Variants in TCF7L1 observed in about 807,000 individuals in gnomAD.
The protein encoded by TCF7L1 is transcription factor 7-like 1.
In TCF7L1, 18 loss-of-function variants were observed where a neutral mutation model predicts 63.7. The observed-to-expected ratio is 0.28, with a 90% CI of 0.20 to 0.42. The LOEUF (loss-of-function observed/expected upper bound fraction) is 0.42. TCF7L1 is among the 10% of genes least tolerant of loss of function. The pLI is 1.00. For synonymous variants in TCF7L1, 355 were observed against 340.9 expected (o/e 1.04, Z -0.46); for missense variants, 654 against 779.3 (o/e 0.84, Z 1.91).
intron 3 of TCF7L1, among the ~76,000 whole-genome samples, chr2:85,209,232 T>A (rs189224209): frequency 3.9e-5 from 6 of 152,324 alleles, no homozygotes; most frequent in Admixed American, 1.3e-4. Flanking sequence ...AAGTGATTGC[T>A]GTCTCCAATG....
At chr2:85,205,675 G>A (rs1679391497) in intron 3 of TCF7L1, among the ~76,000 whole-genome samples, 5 of 151,944 alleles carry the variant, frequency 3.3e-5, no homozygotes, top group Admixed American at 3.3e-4. Flanking sequence ...TGGATTACAA[G>A]CCTGCTAATT....
chr2:85,216,418 C>G (rs1161421801), intron 3 of TCF7L1, among the ~76,000 whole-genome samples: 1 of 152,186 alleles, frequency 6.6e-6, no homozygotes, highest in African/African-American at 2.4e-5. Context: ...ACCTCGCGCC[C>G]TGCTGTGCTT....
At chr2:85,303,678 G>T in intron 5 of TCF7L1, 1 of 442,708 alleles carries the variant, frequency 2.3e-6, no homozygotes, top group South Asian at 6.2e-5. Flanking sequence ...AATCCGTGCA[G>T]CTAGAGAGGG....
chr2:85,239,641 C>T (rs980036773), intron 3 of TCF7L1, among the ~76,000 whole-genome samples: 2 of 152,044 alleles, frequency 1.3e-5, no homozygotes, highest in South Asian at 4.1e-4. Flanking sequence ...TTTCATGTAG[C>T]CACATTAAAA....
chr2:85,302,072 G>A (rs1348288551), intron 4 of TCF7L1, among the ~76,000 whole-genome samples: 1 of 152,062 alleles, frequency 6.6e-6, no homozygotes, highest in South Asian at 2.1e-4. Context: ...AGGCTGCAGT[G>A]AGCCGAGATC....
intron 3 of TCF7L1, among the ~76,000 whole-genome samples, chr2:85,183,130 G>T (rs1455074843): frequency 6.6e-6 from 1 of 152,144 alleles, no homozygotes; most frequent in Non-Finnish European, 1.5e-5. Context: ...GGTATTGTCT[G>T]TGCCACAGTG....
At chr2:85,223,599 G>A (rs1679895801) in intron 3 of TCF7L1, among the ~76,000 whole-genome samples, 1 of 152,118 alleles carries the variant, frequency 6.6e-6, no homozygotes, top group African/African-American at 2.4e-5. Flanking sequence ...CTGAGAATGA[G>A]AAGGAGGATG....
intron 3 of TCF7L1, among the ~76,000 whole-genome samples, chr2:85,212,097 A>C (rs1572993715): frequency 7.9e-6 from 1 of 126,260 alleles, no homozygotes; most frequent in African/African-American, 3.9e-5. Flanking sequence ...CTCAAAAAAA[A>C]AAAAAAAAAA....
chr2:85,203,816 AAAG>A (rs1162536899), intron 3 of TCF7L1, among the ~76,000 whole-genome samples: 2 of 152,188 alleles, frequency 1.3e-5, no homozygotes, highest in African/African-American at 4.8e-5. Flanking sequence ...AATAGATTAA[AAAG>A]AAGTTTAAAA....
intron 3 of TCF7L1, among the ~76,000 whole-genome samples, chr2:85,179,805 G>T (rs1678759165): frequency 1.3e-5 from 2 of 152,136 alleles, no homozygotes; most frequent in Admixed American, 6.5e-5. Flanking sequence ...TCCACGGCAA[G>T]TGCATAAAAA....
At chr2:85,144,903 G>A (rs1220993334) in intron 3 of TCF7L1, among the ~76,000 whole-genome samples, 1 of 151,754 alleles carries the variant, frequency 6.6e-6, no homozygotes, top group Non-Finnish European at 1.5e-5. Context: ...GGCCACCATG[G>A]TGAAACCCCG....
chr2:85,262,375 G>A, intron 3 of TCF7L1: 10 of 413,424 alleles, frequency 2.4e-5, no homozygotes, highest in South Asian at 6.4e-5. Flanking sequence ...CCAGAATCAA[G>A]ACACCGTCTC....
At chr2:85,233,943 G>C (rs149635539) in intron 3 of TCF7L1, 2 of 152,040 alleles carry the variant, frequency 1.3e-5, no homozygotes, top group Non-Finnish European at 2.9e-5. Flanking sequence ...GGATGAACCC[G>C]TGTTTGTTTA....
At chr2:85,236,061 G>A (rs1680183933) in intron 3 of TCF7L1, among the ~76,000 whole-genome samples, 1 of 152,144 alleles carries the variant, frequency 6.6e-6, no homozygotes, top group Non-Finnish European at 1.5e-5. Flanking sequence ...GCTGAGGTGA[G>A]AGGATTGCCT....
intron 4 of TCF7L1, among the ~76,000 whole-genome samples, chr2:85,294,947 T>A (rs1681808607): frequency 6.6e-6 from 1 of 151,948 alleles, no homozygotes; most frequent in African/African-American, 2.4e-5. Context: ...GGTAGGAGGA[T>A]TGCTTGAGCC....
intron 3 of TCF7L1, among the ~76,000 whole-genome samples, chr2:85,146,998 A>G (rs1677894599): frequency 1.3e-5 from 2 of 152,024 alleles, no homozygotes; most frequent in African/African-American, 2.4e-5. Flanking sequence ...TGTTTTTCTT[A>G]TGATATTTTG....
intron 3 of TCF7L1, among the ~76,000 whole-genome samples, chr2:85,229,409 G>A (rs929230375): frequency 6.6e-6 from 1 of 152,192 alleles, no homozygotes; most frequent in African/African-American, 2.4e-5. Context: ...AGGAGCTATT[G>A]AAAAGGTGTC....
chr2:85,302,307 C>T (rs1208291883), intron 4 of TCF7L1, among the ~76,000 whole-genome samples, 177 bp from the exon 5 acceptor site: 1 of 152,118 alleles, frequency 6.6e-6, no homozygotes, highest in African/African-American at 2.4e-5. Flanking sequence ...GGTGTGATCC[C>T]TTCTCAAGTC....
chr2:85,291,871 A>G (rs1279659262), intron 4 of TCF7L1, among the ~76,000 whole-genome samples: 1 of 151,854 alleles, frequency 6.6e-6, no homozygotes, highest in Non-Finnish European at 1.5e-5. Flanking sequence ...ACATCCAGCT[A>G]TTTTTATTAT....
Sources: gnomAD v4.1 joint callset for allele counts (sites outside exome capture counted in the v4.1 genomes callset) on GRCh38, gnomAD v4.1.1 for gene constraint, MANE v1.5 for transcripts, NCBI Gene and HGNC (gene_info 2026-07-23, HGNC 2026-07-21) for gene names.